The following BIRC6 variants were observed in gnomAD, a reference collection of about 807,000 sequenced individuals.
BIRC6 encodes dual E2 ubiquitin-conjugating enzyme/E3 ubiquitin-protein ligase BIRC6.
A neutral mutation model predicts 503.3 loss-of-function variants in BIRC6; 98 were observed. The ratio of observed to expected loss-of-function variants is 0.19; its 90% CI spans 0.17 to 0.23. The LOEUF is 0.23. BIRC6 is among the 10% of genes least tolerant of loss of function. The pLI is 1.00. For missense variants in BIRC6, 5,360 were observed against 5,806.0 expected, an observed-to-expected ratio of 0.92 and a Z score of 2.50; for synonymous variants, 2,240 against 2,078.7, an observed-to-expected ratio of 1.08 and a Z score of -2.11.
chr2:32,543,010 G>C (rs1278383479), intron 61 of BIRC6, among the ~76,000 whole-genome samples: 1 of 152,142 alleles, frequency 6.6e-6, no homozygotes, highest in African/African-American at 2.4e-5. Context: ...GTGTTGGCCA[G>C]GCTGGTCTCG....
At chr2:32,589,111 T>G (rs1020997704) in intron 66 of BIRC6, among the ~76,000 whole-genome samples, 3 of 152,186 alleles carry the variant, frequency 2.0e-5, no homozygotes, top group African/African-American at 7.2e-5. Context: ...TTTAGTGTAG[T>G]TGGTATTTGA....
In BIRC6 at chr2:32,599,893, A is replaced by G; in HGVS notation, c.13985A>G (p.Asp4662Gly). 6.2e-7 allele frequency: 1 copy of G among 1,612,210 alleles called. No homozygotes were observed. Among genetic ancestry groups the G allele is most frequent in the Non-Finnish European group, 8.5e-7 (1 of 1,179,176 alleles). ...CGATTCAATCCAAACCTTTATAATG[A>G]TGGCAAGGTAAATTAATTGCAATTT... The part of the protein sequence containing the change: ...SVRFNPNLYN[D>G]GKVCLSILNT... The change falls in exon 70 of 74, where the codon GAT becomes GGT. Residue 4662 changes from aspartate (D) to glycine (G), a missense_variant. Physicochemically the swap from Asp to Gly is moderately conservative, Grantham distance 94 (BLOSUM62 -1). Around this residue, in one of 16 missense-constraint regions of BIRC6, gnomAD observed 66 missense variants for 113.2 expected, o/e 0.58. Transcript: ENST00000421745.
intron 65 of BIRC6, among the ~76,000 whole-genome samples, chr2:32,571,493 T>G (rs114534130): frequency 0.017 from 2,492 of 150,424 alleles, 48 homozygotes; most frequent in African/African-American, 0.059. Flanking sequence ...CTCAGGAGGT[T>G]GTATGTTTCC....
chr2:32,610,909 C>T (rs531492466), intron 72 of BIRC6, among the ~76,000 whole-genome samples: 34 of 151,868 alleles, frequency 2.2e-4, no homozygotes, highest in Middle Eastern at 3.4e-3. Flanking sequence ...GCTGGCACTA[C>T]AGGTGCCTGC....
intron 54 of BIRC6, 63 bp from the exon 55 acceptor site, chr2:32,514,927 A>G: frequency 7.7e-7 from 1 of 1,295,598 alleles, no homozygotes. Flanking sequence ...TAACAGAAAT[A>G]TTTGAAATAG....
At chr2:32,602,615 G>A (rs189481800) in intron 70 of BIRC6, 152 of 159,946 alleles carry the variant, frequency 9.5e-4, no homozygotes, top group Non-Finnish European at 1.6e-3. Context: ...GGTTTGAGGC[G>A]GTGGATACAA....
rs2149033337 is a variant in BIRC6 at position 32,473,019 on chromosome 2, A to T, written c.6593-93A>T. ...TAAAACTGCTTTTCATGATTGACAC[A>T]TGTATAACTGTGTTTTTTGTTTTCT... On this transcript the variant is annotated intron_variant, in intron 32 of 73. Coordinates refer to ENST00000421745, the MANE Select transcript of BIRC6 (RefSeq NM_016252.4). The T allele has an allele frequency of 4.7e-6, 5 of 1,074,510 alleles. No homozygotes were observed. In the South Asian group the frequency reaches 4.8e-5, roughly 10 times the overall value. 66.6% of individuals were successfully genotyped at this position (1,074,510 alleles called of 1,614,324 possible). A position where few individuals can be genotyped will look rare whatever the true frequency, so the allele number is the denominator to read the frequency against.
rs774387913 is a variant in BIRC6 at position 32,401,453 on chromosome 2, A to G, written c.1258-10A>G. On this transcript the variant is annotated splice_polypyrimidine_tract_variant and intron_variant, in intron 7 of 73. Coordinates refer to ENST00000421745, the MANE Select transcript of BIRC6 (RefSeq NM_016252.4). ...GATCAGTTGTAAACTTAGGCTTTTCATTTGTTTAGGTGCACTTAAAGTTTG... is the reference window on the plus strand; with the variant it reads ...GATCAGTTGTAAACTTAGGCTTTTCGTTTGTTTAGGTGCACTTAAAGTTTG... The G allele has an allele frequency of 6.8e-6, 11 of 1,613,042 alleles. No individual in the cohort carries two copies. In the South Asian group the frequency reaches 1.2e-4, roughly 18 times the overall value.
intron 4 of BIRC6, 87 bp downstream of exon 4, chr2:32,389,030 G>T: frequency 1.1e-6 from 1 of 946,772 alleles, no homozygotes; most frequent in South Asian, 4.8e-5. Flanking sequence ...ATCTGGTTAT[G>T]ATTTTTAAAA....
chr2:32,430,004 TGAA>T lies in BIRC6; in HGVS notation c.3022+713_3022+715del, dbSNP rs201214338. Among the ~76,000 whole-genome samples the T allele has an allele frequency of 2.3e-4, 35 of 152,238 alleles. No individual in the cohort carries two copies. The East Asian group carries it at 2.5e-3, about 11-fold the overall frequency. On this transcript the variant is annotated intron_variant, in intron 11 of 73. Transcript: ENST00000421745. ...AGTAGAGGAAAGATGAATTTTGTAA[TGAA>T]GAAATAAATAATGGAAAGAAAGAAG...
intron 38 of BIRC6, among the ~76,000 whole-genome samples, chr2:32,481,950 T>G (rs911675516): frequency 6.6e-6 from 1 of 152,176 alleles, no homozygotes; most frequent in South Asian, 2.1e-4. Flanking sequence ...AATGGAATAG[T>G]ATAAAGAAAA....
chr2:32,538,909 A>G (rs575892585), intron 61 of BIRC6, among the ~76,000 whole-genome samples: 92 of 152,278 alleles, frequency 6.0e-4, no homozygotes, highest in African/African-American at 2.0e-3. Context: ...CTCCATCTCT[A>G]TGATTGAACA....
At chr2:32,372,536 C>T (rs2036132551) in intron 1 of BIRC6, among the ~76,000 whole-genome samples, 1 of 152,008 alleles carries the variant, frequency 6.6e-6, no homozygotes, top group African/African-American at 2.4e-5. Context: ...ATTTGTTTTG[C>T]CAGTCACTCT....
At chr2:32,429,119 G>C in intron 10 of BIRC6, 27 bp from the exon 11 acceptor site, 1 of 1,545,010 alleles carries the variant, frequency 6.5e-7, no homozygotes, top group South Asian at 1.2e-5. Flanking sequence ...TATTTTTCAT[G>C]TATCTATGAA....
rs760920343 is a variant in BIRC6, at chr2:32,445,589, G to A, written c.4405G>A (p.Ala1469Thr). 2.5e-6 allele frequency: 4 copies of A among 1,606,766 alleles called. No individual in the cohort carries two copies. The highest frequency in any genetic ancestry group is 2.2e-5 in the South Asian group (2 of 89,558). The stretch of plus-strand genomic sequence containing the variant: ...TGAAGATCTGGCTGGATGCAGTACA[G>A]CTTGTGCATCTTTGCTTACTGCAGT... Reference protein sequence around the residue: ...KDEDLAGCSTACASLLTAVSR... With the variant: ...KDEDLAGCSTTCASLLTAVSR... The change falls in exon 21 of 74, where the codon GCT becomes ACT. Residue 1469 changes from alanine to threonine, a missense_variant. Coordinates refer to ENST00000421745, the MANE Select transcript of BIRC6 (RefSeq NM_016252.4).
rs2051518386 is a variant in BIRC6, at chr2:32,490,215, C to A, written c.8206+64C>A. The A allele has an allele frequency of 4.4e-6, 6 of 1,362,870 alleles. No homozygotes were observed. In the South Asian group the frequency reaches 5.9e-5, roughly 13 times the overall value. 84.4% of individuals were successfully genotyped at this position (1,362,870 alleles called of 1,614,324 possible). On this transcript the variant is annotated intron_variant, in intron 43 of 73. Transcript: ENST00000421745. ...TACTTTAGTGTTCTACTATTGGATTCTTAAAACAGAGTTTTCCAAGGAGTG... is the reference window on the plus strand; with the variant it reads ...TACTTTAGTGTTCTACTATTGGATTATTAAAACAGAGTTTTCCAAGGAGTG...
intron 59 of BIRC6, chr2:32,529,093 G>A (rs2056518338): frequency 6.6e-6 from 1 of 152,110 alleles, no homozygotes; most frequent in Admixed American, 6.5e-5. Context: ...TTTCTTCTTA[G>A]CTTTACATTG....
intron 12 of BIRC6, 98 bp downstream of exon 12, chr2:32,431,188 T>A (rs1185299150): frequency 2.3e-6 from 1 of 425,928 alleles, no homozygotes. Flanking sequence ...TATCTTTTTT[T>A]TTTTTTTTTT....
chr2:32,614,274 G>T (rs1327223080), intron 73 of BIRC6, among the ~76,000 whole-genome samples: 1 of 152,124 alleles, frequency 6.6e-6, no homozygotes, highest in African/African-American at 2.4e-5. Flanking sequence ...TGTTTGTCCA[G>T]CTTCCTTGTA....
Sources: allele counts gnomAD v4.1 joint callset (sites outside exome capture counted in the v4.1 genomes callset), GRCh38; gene constraint gnomAD v4.1.1; regional missense constraint gnomAD v4.1.1; transcripts MANE v1.5; gene names NCBI Gene and HGNC (gene_info 2026-07-23, HGNC 2026-07-21).